Variants in GSG1L observed in about 807,000 individuals in gnomAD.
GSG1L encodes GSG1 like, also known as germ cell-specific gene 1-like protein.
Under a neutral mutation model 42.1 loss-of-function variants are expected in GSG1L, and 24 were observed. That is an observed-to-expected ratio of 0.57 (90% CI 0.41 to 0.80). The LOEUF (loss-of-function observed/expected upper bound fraction) is 0.80. Among genes scored for constraint, GSG1L ranks in the 30% least tolerant of loss-of-function variants. GSG1L has a pLI of 0.00. For missense variants in GSG1L, 445 were observed against 472.2 expected, an observed-to-expected ratio of 0.94 and a Z score of 0.53; for synonymous variants, 215 against 203.5, an observed-to-expected ratio of 1.06 and a Z score of -0.48.
intron 1 of GSG1L, among the ~76,000 whole-genome samples, chr16:28,012,993 G>T (rs933820647): frequency 2.6e-5 from 4 of 152,038 alleles, no homozygotes; most frequent in Admixed American, 6.5e-5. Context: ...GGGAGGCCGA[G>T]GCGGGTGGAT....
intron 1 of GSG1L, 71 bp from the exon 2 acceptor site, chr16:27,963,274 T>A: frequency 7.6e-7 from 1 of 1,315,884 alleles, no homozygotes; most frequent in Non-Finnish European, 1.1e-6. Flanking sequence ...CCTGCTCCCA[T>A]CCCATGAGCC....
intron 4 of GSG1L, among the ~76,000 whole-genome samples, chr16:27,835,802 T>C (rs539924626): frequency 3.9e-5 from 6 of 152,202 alleles, no homozygotes; most frequent in Non-Finnish European, 7.4e-5. Context: ...TTTCCTTCAT[T>C]TATAATATAA....
At chr16:27,921,935 A>T (rs1199357129) in intron 2 of GSG1L, among the ~76,000 whole-genome samples, 1 of 151,806 alleles carries the variant, frequency 6.6e-6, no homozygotes, top group Non-Finnish European at 1.5e-5. Flanking sequence ...ACCATCAAGT[A>T]AGGGTTGCTT....
At chr16:28,033,776 T>C (rs751952554) in intron 1 of GSG1L, among the ~76,000 whole-genome samples, 25 of 152,210 alleles carry the variant, frequency 1.6e-4, no homozygotes, top group Non-Finnish European at 3.1e-4. Context: ...TATGAAGCCA[T>C]TAATATTGAT....
At chr16:27,850,023 C>CTTTT (rs57543425) in intron 3 of GSG1L, among the ~76,000 whole-genome samples, 2,358 of 69,996 alleles carry the variant, frequency 0.034, 491 homozygotes, top group African/African-American at 0.095. Flanking sequence ...TTTGAAATGC[C>CTTTT]TTTTTTTTTT....
chr16:27,989,052 CA>C (rs560236316), intron 1 of GSG1L, among the ~76,000 whole-genome samples: 2,834 of 81,968 alleles, frequency 0.035, 26 homozygotes, highest in African/African-American at 0.051. Flanking sequence ...GACTCTGTCT[CA>C]AAAAAAAAAA....
rs143864277 is a variant in GSG1L, at chr16:27,922,153, C to G, written c.398-37515G>C. On this transcript the variant is annotated intron_variant, in intron 2 of 6. Transcript: ENST00000447459. Reference sequence around the variant, plus strand: ...TATCCATCACCCATCCTTCACACCCCCAAAATGACTTATTTCTCTCTCCTC... The same window carrying G: ...TATCCATCACCCATCCTTCACACCCGCAAAATGACTTATTTCTCTCTCCTC... Among the ~76,000 whole-genome samples, 893 of 152,082 alleles carry G rather than the reference C, an allele frequency of 5.9e-3. 8 individuals are homozygous for G. The highest frequency in any genetic ancestry group is 0.02 in the African/African-American group (841 of 41,494).
chr16:27,898,625 T>C (rs1011945724), intron 2 of GSG1L, among the ~76,000 whole-genome samples: 1 of 151,976 alleles, frequency 6.6e-6, no homozygotes, highest in Non-Finnish European at 1.5e-5. Context: ...GGCCAAGAAG[T>C]GATCTCTCTC....
rs896489443 is a variant in GSG1L at position 27,884,401 on chromosome 16, C to T, written c.550+85G>A. The T allele has an allele frequency of 1.6e-5, 21 of 1,286,434 alleles. 1 individual carries two copies. In the Middle Eastern group the frequency reaches 5.8e-4, roughly 35 times the overall value. The allele number at this position is 1,286,434 out of a possible 1,614,324, so 79.7% of individuals were successfully genotyped here. ...GAGAAGCAATTTGTCCAATGCCTCC[C>T]GGTTGGTACAACCAGGGCTTACTCC... On this transcript the variant is annotated intron_variant, in intron 3 of 6. Transcript: ENST00000447459. The surrounding 1 kb of genome is among the most constrained non-coding windows in gnomAD (Gnocchi z 4.4).
At chr16:27,977,765 G>A (rs1174812213) in intron 1 of GSG1L, among the ~76,000 whole-genome samples, 2 of 151,984 alleles carry the variant, frequency 1.3e-5, no homozygotes, top group African/African-American at 4.8e-5. Context: ...GGCCAGTCTT[G>A]TCACCTCTAC....
At position 27,884,863 on chromosome 16, in the gene GSG1L, G is replaced by C. The variant is rs1243487192; in HGVS notation, c.398-225C>G. Among the ~76,000 whole-genome samples the C allele has an allele frequency of 6.6e-6, 1 of 152,160 alleles. No individual in the cohort carries two copies. Among genetic ancestry groups the C allele is most frequent in the Non-Finnish European group, 1.5e-5 (1 of 68,024 alleles). ...CAGCATTCTCTGGATCCTATTACTG[G>C]GGAAGAACTTTTATCCTGTGGCTGG... On this transcript the variant is annotated intron_variant, in intron 2 of 6. Coordinates refer to ENST00000447459, the MANE Select transcript of GSG1L (RefSeq NM_001109763.2). This position sits in a 1 kb window ranked among gnomAD's most constrained non-coding sequence, Gnocchi z 4.4.
chr16:27,892,095 C>T (rs897963843), intron 2 of GSG1L, among the ~76,000 whole-genome samples: 1 of 151,814 alleles, frequency 6.6e-6, no homozygotes, highest in African/African-American at 2.4e-5. Context: ...ATGGGCCCTA[C>T]AGGTGATGTT....
At chr16:28,056,839 T>C (rs1205670483) in intron 1 of GSG1L, among the ~76,000 whole-genome samples, 1 of 151,908 alleles carries the variant, frequency 6.6e-6, no homozygotes, top group Non-Finnish European at 1.5e-5. Context: ...ACGCAGTGGG[T>C]ATGACCTCGA....
In GSG1L at chr16:27,896,027, T is replaced by G. The variant is rs150383795; in HGVS notation, c.398-11389A>C. 7.2e-5 allele frequency among the ~76,000 whole-genome samples: 11 copies of G among 152,200 alleles called. No individual in the cohort carries two copies. In the East Asian group the frequency reaches 7.7e-4, roughly 11 times the overall value. On this transcript the variant is annotated intron_variant, in intron 2 of 6. Coordinates refer to ENST00000447459, the MANE Select transcript of GSG1L (RefSeq NM_001109763.2). ...ATTCCCTGGGACCCTGGAGAAAATA[T>G]AGAATCTCTGGCCCCTCCCAGACCT...
intron 2 of GSG1L, among the ~76,000 whole-genome samples, chr16:27,928,717 G>GTTTA (rs1380325988): frequency 1.3e-5 from 2 of 152,140 alleles, no homozygotes; most frequent in Non-Finnish European, 2.9e-5. Context: ...GGGAGAGGGA[G>GTTTA]TTTAACCTGT....
intron 1 of GSG1L, among the ~76,000 whole-genome samples, chr16:28,061,935 C>T (rs2086346467): frequency 6.6e-6 from 1 of 152,210 alleles, no homozygotes; most frequent in Admixed American, 6.5e-5. Context: ...GGGTTCGCTT[C>T]ACAGCTTCCT....
At chr16:27,888,406 T>C (rs964496708) in intron 2 of GSG1L, among the ~76,000 whole-genome samples, 3 of 10,260 alleles carry the variant, frequency 2.9e-4, no homozygotes, top group East Asian at 1.9e-3. Flanking sequence ...TTCTCCTTCT[T>C]TCTTTCTTTC....
At position 27,888,436 on chromosome 16, in the gene GSG1L, CTTTCTTTCTTTCTTTCTT is replaced by C. The variant is rs2084060425; in HGVS notation, c.398-3816_398-3799del. ...TCTTTCTTTCTTTCTTTCTTTCTTTCTTTCTTTCTTTCTTTCTTTCTTTCTTTCTCTCTCTCTCTCTCT... is the reference window on the plus strand; with the variant it reads ...TCTTTCTTTCTTTCTTTCTTTCTTTCTCTTTCTTTCTCTCTCTCTCTCTCT... On this transcript the variant is annotated intron_variant, in intron 2 of 6. Coordinates refer to ENST00000447459, the MANE Select transcript of GSG1L (RefSeq NM_001109763.2). 8.7e-5 allele frequency among the ~76,000 whole-genome samples: 2 copies of C among 22,912 alleles called. 1 individual carries two copies. Among genetic ancestry groups the C allele is most frequent in the Non-Finnish European group, 2.9e-4 (2 of 6,826 alleles). 15.0% of individuals were successfully genotyped at this position (22,912 alleles called of 152,430 possible).
rs950759689 is a variant in GSG1L, at chr16:27,789,853, A to G, written c.*1517T>C. The G allele has an allele frequency of 6.6e-6, 1 of 151,574 alleles. No homozygotes were observed. Among genetic ancestry groups the G allele is most frequent in the African/African-American group, 2.4e-5 (1 of 41,218 alleles). The allele number at this position is 151,574 out of a possible 1,614,324, so 9.4% of individuals were successfully genotyped here. A position where few individuals can be genotyped will look rare whatever the true frequency, so the allele number is the denominator to read the frequency against. On this transcript the variant is annotated 3_prime_UTR_variant, in exon 7 of 7. Coordinates refer to ENST00000447459, the MANE Select transcript of GSG1L (RefSeq NM_001109763.2). The stretch of plus-strand genomic sequence containing the variant: ...GGATGGATGGATGAAGGATGGATGG[A>G]TGGATGATGAAGGATGGATGGTTGA...
Sources: gnomAD v4.1 joint callset for allele counts (sites outside exome capture counted in the v4.1 genomes callset) on GRCh38, gnomAD v4.1.1 for gene constraint, Gnocchi (gnomAD v3.1) non-coding constraint, MANE v1.5 for transcripts, NCBI Gene and HGNC (gene_info 2026-07-23, HGNC 2026-07-21) for gene names.